RPS6KA2: variants seen among roughly 807,000 people sequenced by gnomAD.
RPS6KA2 encodes the protein ribosomal protein S6 kinase alpha-2.
In RPS6KA2, 42 loss-of-function variants were observed where a neutral mutation model predicts 91.8. That is an observed-to-expected ratio of 0.46 (90% CI 0.36 to 0.59). RPS6KA2 has a LOEUF of 0.59. Among genes scored for constraint, RPS6KA2 ranks in the 20% least tolerant of loss-of-function variants. The pLI, the probability that RPS6KA2 is intolerant of heterozygous loss-of-function variation, is 0.00. For missense variants in RPS6KA2, 798 were observed against 978.5 expected, an observed-to-expected ratio of 0.82 and a Z score of 2.46; for synonymous variants, 414 against 393.6, an observed-to-expected ratio of 1.05 and a Z score of -0.61.
rs1419924476 is a variant in RPS6KA2 at position 166,412,074 on chromosome 6, A to C, written c.*688T>G. 6.6e-6 allele frequency: 1 copy of C among 152,204 alleles called. No homozygotes were observed. The highest frequency in any genetic ancestry group is 1.5e-5 in the Non-Finnish European group (1 of 68,072). 9.4% of individuals were successfully genotyped at this position (152,204 alleles called of 1,614,324 possible). On this transcript the variant is annotated 3_prime_UTR_variant, in exon 21 of 21. Coordinates refer to ENST00000265678, the MANE Select transcript of RPS6KA2 (RefSeq NM_021135.6). The surrounding 1 kb of genome is among the most constrained non-coding windows in gnomAD (Gnocchi z 4.3). ...ACCCCCTTCCATCCTGGTGACACGG[A>C]GCTCTCAAGGCAAAGATCCAGCCTG...
chr6:166,476,199 G>A (rs1393233331), intron 10 of RPS6KA2, among the ~76,000 whole-genome samples: 1 of 152,200 alleles, frequency 6.6e-6, no homozygotes, highest in Non-Finnish European at 1.5e-5. Context: ...ACAGCCAGGG[G>A]TGTCAAGGCT....
At chr6:166,826,767 C>T (rs1780058270) in intron 2 of RPS6KA2, among the ~76,000 whole-genome samples, 1 of 152,118 alleles carries the variant, frequency 6.6e-6, no homozygotes, top group African/African-American at 2.4e-5. Flanking sequence ...AAATTCAGTA[C>T]TAGATTTAGT....
At chr6:166,547,814 A>G (rs1274188572) in intron 1 of RPS6KA2, among the ~76,000 whole-genome samples, 2 of 152,278 alleles carry the variant, frequency 1.3e-5, no homozygotes, top group African/African-American at 4.8e-5. Context: ...TGTGAGTGGA[A>G]ACGCACCTGC....
intron 2 of RPS6KA2, among the ~76,000 whole-genome samples, chr6:166,531,925 G>A (rs1783291835): frequency 6.6e-6 from 1 of 151,366 alleles, no homozygotes; most frequent in African/African-American, 2.4e-5. Context: ...GTTTAAATTT[G>A]TATTAGTGAT....
intron 2 of RPS6KA2, among the ~76,000 whole-genome samples, chr6:166,744,532 G>A (rs1790924033): frequency 6.6e-6 from 1 of 152,250 alleles, no homozygotes; most frequent in Non-Finnish European, 1.5e-5. Flanking sequence ...TCAGCCCCCA[G>A]GGACTGCCTC....
intron 2 of RPS6KA2, among the ~76,000 whole-genome samples, chr6:166,663,818 C>G (rs1562371142): frequency 6.6e-6 from 1 of 152,176 alleles, no homozygotes; most frequent in African/African-American, 2.4e-5. Flanking sequence ...CTGGAGCTGA[C>G]AGTCAAGCCT....
At chr6:166,602,294 G>C (rs752158002) in intron 1 of RPS6KA2, among the ~76,000 whole-genome samples, 34 of 152,236 alleles carry the variant, frequency 2.2e-4, no homozygotes, top group Non-Finnish European at 4.3e-4. Context: ...AGGAAATTTG[G>C]TAACATTTAC....
In RPS6KA2 at chr6:166,451,252, G is replaced by A; in HGVS notation, c.1076-19C>T. 1 of 1,613,142 alleles carries A rather than the reference G, an allele frequency of 6.2e-7. No individual in the cohort carries two copies. The highest frequency in any genetic ancestry group is 1.1e-5 in the South Asian group (1 of 91,022). On this transcript the variant is annotated intron_variant, in intron 12 of 20. Transcript: ENST00000265678. The stretch of plus-strand genomic sequence containing the variant: ...GGAGAGTCTGTAGGTGACAGGGGCA[G>A]AGTTCAGATGCCACGAAAGCTGGGT...
At chr6:166,668,942 C>T (rs903301586) in intron 2 of RPS6KA2, among the ~76,000 whole-genome samples, 1 of 147,024 alleles carries the variant, frequency 6.8e-6, no homozygotes, top group Non-Finnish European at 1.5e-5. Context: ...GGCAGGAGTT[C>T]AGTGATGTGA....
At chr6:166,447,826 G>A (rs771236717) in intron 14 of RPS6KA2, among the ~76,000 whole-genome samples, 13 of 152,240 alleles carry the variant, frequency 8.5e-5, no homozygotes, top group Non-Finnish European at 1.6e-4. Context: ...TAAGCCGGGA[G>A]GGTCCTGGTC....
chr6:166,653,605 C>A (rs1787924371), intron 2 of RPS6KA2, among the ~76,000 whole-genome samples: 1 of 152,218 alleles, frequency 6.6e-6, no homozygotes, highest in East Asian at 1.9e-4. Flanking sequence ...AGGCCCTGCA[C>A]ATATTTTGTA....
intron 3 of RPS6KA2, among the ~76,000 whole-genome samples, chr6:166,530,360 C>T (rs1378043953): frequency 1.3e-5 from 2 of 152,318 alleles, no homozygotes; most frequent in Admixed American, 6.5e-5. Flanking sequence ...TGCCAGCCCA[C>T]AGAATCATTC....
chr6:166,848,366 C>A (rs1387860649), intron 2 of RPS6KA2, among the ~76,000 whole-genome samples: 5 of 152,166 alleles, frequency 3.3e-5, no homozygotes, highest in Non-Finnish European at 7.4e-5. Flanking sequence ...CCTTTAAGAA[C>A]TAAAAGTAGA....
intron 1 of RPS6KA2, among the ~76,000 whole-genome samples, chr6:166,602,361 C>G (rs960661540): frequency 6.6e-6 from 1 of 152,208 alleles, no homozygotes; most frequent in Non-Finnish European, 1.5e-5. Flanking sequence ...GGTATATACC[C>G]GAGAGAACCT....
chr6:166,608,859 C>T (rs1786051334), intron 1 of RPS6KA2, among the ~76,000 whole-genome samples: 2 of 152,122 alleles, frequency 1.3e-5, no homozygotes, highest in South Asian at 4.2e-4. Flanking sequence ...CATGTTTATT[C>T]ACAAATCCAA....
rs1248903138 is a variant in RPS6KA2 at position 166,433,336 on chromosome 6, A to G, written c.1333-846T>C. Reference sequence around the variant, plus strand: ...ATCCGATGTCTTAGGATAACAGATAAAGTTGCTTCAACCCCATGGAGACAT... The same window carrying G: ...ATCCGATGTCTTAGGATAACAGATAGAGTTGCTTCAACCCCATGGAGACAT... On this transcript the variant is annotated intron_variant, in intron 14 of 20. Transcript: ENST00000265678. This position sits in a 1 kb window ranked among gnomAD's most constrained non-coding sequence, Gnocchi z 4.4. 6.6e-6 allele frequency among the ~76,000 whole-genome samples: 1 copy of G among 152,176 alleles called. No individual in the cohort carries two copies. The highest frequency in any genetic ancestry group is 1.5e-5 in the Non-Finnish European group (1 of 68,036).
At chr6:166,611,233 T>C (rs1212657506) in intron 1 of RPS6KA2, among the ~76,000 whole-genome samples, 1 of 152,250 alleles carries the variant, frequency 6.6e-6, no homozygotes, top group Non-Finnish European at 1.5e-5. Flanking sequence ...TTTTCACATA[T>C]AGCCATTTAG....
chr6:166,630,200 C>T (rs936454524), upstream of RPS6KA2, among the ~76,000 whole-genome samples: 4 of 152,172 alleles, frequency 2.6e-5, no homozygotes, highest in African/African-American at 9.7e-5. Flanking sequence ...TCTCTCCCTG[C>T]TACACAGGCA....
chr6:166,807,304 G>A (rs1367565598), intron 2 of RPS6KA2, among the ~76,000 whole-genome samples: 1 of 152,108 alleles, frequency 6.6e-6, no homozygotes, highest in Non-Finnish European at 1.5e-5. Context: ...CCTCCGTTTT[G>A]AATCCTCTTC....
Sources: gnomAD v4.1 joint callset for allele counts (sites outside exome capture counted in the v4.1 genomes callset) on GRCh38, gnomAD v4.1.1 for gene constraint, Gnocchi (gnomAD v3.1) non-coding constraint, MANE v1.5 for transcripts, NCBI Gene and HGNC (gene_info 2026-07-23, HGNC 2026-07-21) for gene names.